WDPCP: variants seen among roughly 807,000 people sequenced by gnomAD.
WDPCP encodes the protein WD repeat containing planar cell polarity effector.
WDPCP carries 71 observed loss-of-function variants against 93.1 expected under a neutral mutation model. The observed-to-expected ratio is 0.76, with a 90% CI of 0.63 to 0.93. The LOEUF is 0.93. Ranked by LOEUF, WDPCP falls within the 40% of genes least tolerant of loss-of-function variation. The pLI, the probability that WDPCP is intolerant of heterozygous loss-of-function variation, is 0.00. For missense variants in WDPCP, 844 were observed against 887.4 expected (o/e 0.95, Z 0.62); for synonymous variants, 315 against 315.0 (o/e 1.00, Z 0.00).
At chr2:63,187,839 T>C (rs1447394931) in intron 14 of WDPCP, among the ~76,000 whole-genome samples, 1 of 152,244 alleles carries the variant, frequency 6.6e-6, no homozygotes, top group Non-Finnish European at 1.5e-5. Context: ...TGTTGGTGCC[T>C]ACCATCCTTT....
chr2:63,802,700 T>C (rs1359685458), intron 2 of WDPCP, among the ~76,000 whole-genome samples: 3 of 152,176 alleles, frequency 2.0e-5, no homozygotes, highest in African/African-American at 7.2e-5. Context: ...AATTAGGAAA[T>C]TGTCTATATT....
intron 3 of WDPCP, among the ~76,000 whole-genome samples, chr2:63,626,672 A>G (rs1709814219): frequency 6.6e-6 from 1 of 152,224 alleles, no homozygotes; most frequent in South Asian, 2.1e-4. Context: ...AATGTCAGGA[A>G]ACAACAGATG....
At chr2:63,629,418 T>C (rs1486654353) in intron 3 of WDPCP, among the ~76,000 whole-genome samples, 2 of 152,212 alleles carry the variant, frequency 1.3e-5, no homozygotes, top group Non-Finnish European at 2.9e-5. Context: ...CTAGGAAATT[T>C]GAGAAATTTT....
intron 3 of WDPCP, chr2:63,605,440 G>A: frequency 7.6e-7 from 1 of 1,310,958 alleles, no homozygotes. Context: ...TATTTTTGTT[G>A]CCTGATGATA....
intron 12 of WDPCP, among the ~76,000 whole-genome samples, chr2:63,367,867 C>T (rs760030546): frequency 1.3e-5 from 2 of 152,168 alleles, no homozygotes; most frequent in Non-Finnish European, 2.9e-5. Context: ...TATCCTTCCA[C>T]AGCAATAACC....
intron 3 of WDPCP, among the ~76,000 whole-genome samples, chr2:63,620,505 G>A (rs1269874538): frequency 6.6e-6 from 1 of 152,192 alleles, no homozygotes; most frequent in Admixed American, 6.5e-5. Flanking sequence ...ATCCCTGAAA[G>A]AAAGGCAGCA....
chr2:63,780,232 T>C (rs888222330), intron 2 of WDPCP, among the ~76,000 whole-genome samples: 1 of 152,154 alleles, frequency 6.6e-6, no homozygotes, highest in African/African-American at 2.4e-5. Context: ...CAAAAAGTGA[T>C]TGGCAGTCGA....
At chr2:63,352,643 T>G (rs1689717039) in intron 12 of WDPCP, among the ~76,000 whole-genome samples, 1 of 152,180 alleles carries the variant, frequency 6.6e-6, no homozygotes, top group South Asian at 2.1e-4. Context: ...CTTAATTCAA[T>G]CTGGGTTCAA....
upstream of WDPCP, chr2:63,589,402 A>G (rs574852721): frequency 3.2e-5 from 50 of 1,549,180 alleles, no homozygotes; most frequent in Non-Finnish European, 4.2e-5. Context: ...ATGGGAGGGA[A>G]AGGTTGGGTC....
chr2:63,170,279 T>C (rs1467075796), intron 15 of WDPCP, among the ~76,000 whole-genome samples: 1 of 151,310 alleles, frequency 6.6e-6, no homozygotes, highest in African/African-American at 2.4e-5. Flanking sequence ...TTTCTTTCTT[T>C]TTTTTTTTTC....
chr2:63,366,787 T>A (rs975471024), intron 12 of WDPCP, among the ~76,000 whole-genome samples: 3 of 152,152 alleles, frequency 2.0e-5, no homozygotes, highest in Non-Finnish European at 4.4e-5. Context: ...AGTGGTTTAT[T>A]TCATAGTATG....
chr2:63,618,176 A>G (rs1246887514), intron 3 of WDPCP, among the ~76,000 whole-genome samples: 1 of 152,228 alleles, frequency 6.6e-6, no homozygotes, highest in Admixed American at 6.5e-5. Context: ...TTCTGCTCAA[A>G]TATCAACGCC....
chr2:63,601,239 T>A (rs1709412307), intron 3 of WDPCP, among the ~76,000 whole-genome samples: 1 of 152,222 alleles, frequency 6.6e-6, no homozygotes, highest in African/African-American at 2.4e-5. Context: ...AGAAGTTGTT[T>A]ATCCAGTGAG....
intron 1 of WDPCP, among the ~76,000 whole-genome samples, chr2:63,528,498 A>T (rs1180225663): frequency 6.6e-6 from 1 of 152,016 alleles, no homozygotes; most frequent in Non-Finnish European, 1.5e-5. Flanking sequence ...TCTTGTTTTT[A>T]TCAGGTTTGT....
At chr2:63,674,079 A>G (rs1001157785) in intron 2 of WDPCP, among the ~76,000 whole-genome samples, 1 of 151,912 alleles carries the variant, frequency 6.6e-6, no homozygotes, top group Non-Finnish European at 1.5e-5. Context: ...CTTGATCACA[A>G]CTCTGGTTTC....
At chr2:63,390,693 A>C (rs1490901569) in intron 10 of WDPCP, among the ~76,000 whole-genome samples, 2 of 152,228 alleles carry the variant, frequency 1.3e-5, no homozygotes, top group Non-Finnish European at 2.9e-5. Flanking sequence ...AAATAGATGC[A>C]ATAAAAAATG....
intron 12 of WDPCP, among the ~76,000 whole-genome samples, chr2:63,322,162 G>A (rs1575138247): frequency 3.3e-5 from 5 of 152,264 alleles, no homozygotes; most frequent in Admixed American, 3.3e-4. Flanking sequence ...GATTGTAAAT[G>A]CACCAATCAG....
chr2:63,832,292 A>G (rs1216057788), upstream of WDPCP, among the ~76,000 whole-genome samples: 1 of 152,208 alleles, frequency 6.6e-6, no homozygotes, highest in African/African-American at 2.4e-5. Flanking sequence ...GGCCTTCCTC[A>G]TGCAGCAGTC....
intron 13 of WDPCP, among the ~76,000 whole-genome samples, chr2:63,308,411 A>C (rs1159966364): frequency 6.6e-6 from 1 of 152,240 alleles, no homozygotes; most frequent in African/African-American, 2.4e-5. Flanking sequence ...CCAAAGGATT[A>C]TAAATCATTC....
Sources: allele counts gnomAD v4.1 joint callset (sites outside exome capture counted in the v4.1 genomes callset), GRCh38; gene constraint gnomAD v4.1.1; transcripts MANE v1.5; gene names NCBI Gene and HGNC (gene_info 2026-07-23, HGNC 2026-07-21).